Variants in ROBO2 observed in about 807,000 individuals in gnomAD.
ROBO2 encodes the protein roundabout homolog 2.
ROBO2 carries 53 observed loss-of-function variants against 160.8 expected under a neutral mutation model. The observed-to-expected ratio is 0.33, with a 90% CI of 0.26 to 0.41. ROBO2 has a LOEUF of 0.41. Among genes scored for constraint, ROBO2 ranks in the 10% least tolerant of loss-of-function variants. ROBO2 has a pLI of 1.00. For missense variants in ROBO2, 1,577 were observed against 1,722.4 expected (o/e 0.92, Z 1.49); for synonymous variants, 664 against 611.7 (o/e 1.09, Z -1.26).
chr3:76,470,517 A>AT (rs1352939028), intron 2 of ROBO2, among the ~76,000 whole-genome samples: 4 of 152,050 alleles, frequency 2.6e-5, no homozygotes, highest in Non-Finnish European at 1.5e-5. Context: ...TGAATCCCCT[A>AT]TTGTGGCCTC....
chr3:76,207,794 AT>A (rs1476460836), intron 2 of ROBO2, among the ~76,000 whole-genome samples: 1 of 152,210 alleles, frequency 6.6e-6, no homozygotes, highest in Non-Finnish European at 1.5e-5. Context: ...GTTAGATTTT[AT>A]TAAGAAGATG....
intron 2 of ROBO2, among the ~76,000 whole-genome samples, chr3:76,564,569 G>A (rs1466824611): frequency 6.6e-6 from 1 of 152,198 alleles, no homozygotes; most frequent in African/African-American, 2.4e-5. Context: ...ATGTCAGTCA[G>A]AGAGCAGGAA....
At chr3:77,084,684 T>A (rs867942270) in intron 1 of ROBO2, among the ~76,000 whole-genome samples, 1 of 152,132 alleles carries the variant, frequency 6.6e-6, no homozygotes, top group African/African-American at 2.4e-5. Context: ...TGATAAGGCT[T>A]CAAAGTAAAT....
chr3:76,219,739 C>G (rs1007591422), intron 2 of ROBO2, among the ~76,000 whole-genome samples: 2 of 152,192 alleles, frequency 1.3e-5, no homozygotes, highest in African/African-American at 2.4e-5. Flanking sequence ...GGACTGTAAA[C>G]TAGTTCAACC....
intron 2 of ROBO2, among the ~76,000 whole-genome samples, chr3:76,016,184 T>C (rs1362551857): frequency 1.3e-5 from 2 of 149,292 alleles, no homozygotes; most frequent in African/African-American, 5.0e-5. Flanking sequence ...ATTCATATGT[T>C]AGTCTGTGAT....
At chr3:76,448,119 A>C in intron 2 of ROBO2, among the ~76,000 whole-genome samples, 1 of 152,110 alleles carries the variant, frequency 6.6e-6, no homozygotes, top group African/African-American at 2.4e-5. Context: ...AAACAAAAAT[A>C]TTCTCCTTTA....
chr3:76,835,684 G>A (rs1191791869), intron 2 of ROBO2, among the ~76,000 whole-genome samples: 1 of 151,644 alleles, frequency 6.6e-6, no homozygotes, highest in Non-Finnish European at 1.5e-5. Context: ...TAAATTCAGG[G>A]TTTTTCACAT....
chr3:77,032,841 G>C (rs2063403815), intron 2 of ROBO2, among the ~76,000 whole-genome samples: 1 of 152,144 alleles, frequency 6.6e-6, no homozygotes, highest in African/African-American at 2.4e-5. Flanking sequence ...TGAGACCTTA[G>C]AGGGCAAATC....
intron 2 of ROBO2, among the ~76,000 whole-genome samples, chr3:76,871,426 C>T (rs1360206939): frequency 6.7e-6 from 1 of 149,512 alleles, no homozygotes; most frequent in Non-Finnish European, 1.5e-5. Context: ...TAGTGGCGGG[C>T]GCCTGTAGTC....
intron 2 of ROBO2, among the ~76,000 whole-genome samples, chr3:76,987,944 AAAT>A (rs2060473716): frequency 6.6e-6 from 1 of 152,128 alleles, no homozygotes; most frequent in Non-Finnish European, 1.5e-5. Flanking sequence ...AGTGATATTA[AAAT>A]AATCTATAAA....
intron 2 of ROBO2, among the ~76,000 whole-genome samples, chr3:76,895,521 G>C (rs1001573595): frequency 2.6e-5 from 4 of 151,908 alleles, no homozygotes; most frequent in Non-Finnish European, 5.9e-5. Context: ...ATTGATTATT[G>C]TGTGAAGTCT....
chr3:77,205,142 T>C (rs1346851682), intron 2 of ROBO2, among the ~76,000 whole-genome samples: 1 of 152,152 alleles, frequency 6.6e-6, no homozygotes, highest in Non-Finnish European at 1.5e-5. Flanking sequence ...AGTGGAACCA[T>C]TACCTTTTCA....
intron 2 of ROBO2, among the ~76,000 whole-genome samples, chr3:77,296,263 A>G (rs1580826768): frequency 1.3e-5 from 2 of 152,216 alleles, no homozygotes; most frequent in East Asian, 3.9e-4. Flanking sequence ...TTGATGGTTA[A>G]ACGGGTAAGC....
intron 2 of ROBO2, among the ~76,000 whole-genome samples, chr3:77,321,446 G>T (rs2064688322): frequency 6.6e-6 from 1 of 152,102 alleles, no homozygotes. Context: ...GAGCCCAGGA[G>T]TTCGAAGCTG....
At chr3:76,837,751 TC>T (rs1362890135) in intron 2 of ROBO2, among the ~76,000 whole-genome samples, 25 of 152,074 alleles carry the variant, frequency 1.6e-4, no homozygotes, top group African/African-American at 6.0e-4. Flanking sequence ...ACAATCTTGT[TC>T]ATAACCACAG....
intron 2 of ROBO2, among the ~76,000 whole-genome samples, chr3:76,159,456 C>T (rs553879615): frequency 1.3e-5 from 2 of 152,130 alleles, no homozygotes; most frequent in Non-Finnish European, 2.9e-5. Context: ...TTAAAATCCA[C>T]ACATTTTAAA....
At chr3:76,901,602 G>T (rs2075241589) in intron 2 of ROBO2, among the ~76,000 whole-genome samples, 2 of 147,602 alleles carry the variant, frequency 1.4e-5, no homozygotes, top group Admixed American at 1.3e-4. Context: ...TACAGAAGTA[G>T]GTAATATATA....
intron 2 of ROBO2, among the ~76,000 whole-genome samples, chr3:76,382,552 A>G (rs2076687499): frequency 6.6e-6 from 1 of 152,192 alleles, no homozygotes; most frequent in South Asian, 2.1e-4. Context: ...GCGCCCCTGC[A>G]CTCCAGCCTG....
intron 9 of ROBO2, among the ~76,000 whole-genome samples, chr3:77,560,209 G>T (rs76284845): frequency 6.6e-6 from 1 of 152,062 alleles, no homozygotes; most frequent in Non-Finnish European, 1.5e-5. Flanking sequence ...TGAGATGCCA[G>T]CTCCTTGGGG....
Sources: gnomAD v4.1 joint callset for allele counts (sites outside exome capture counted in the v4.1 genomes callset) on GRCh38, gnomAD v4.1.1 for gene constraint, MANE v1.5 for transcripts, NCBI Gene and HGNC (gene_info 2026-07-23, HGNC 2026-07-21) for gene names.